Variants in SIAH3 observed in about 807,000 individuals in gnomAD.
SIAH3 encodes the protein seven in absentia homolog 3.
Under a neutral mutation model 12.6 loss-of-function variants are expected in SIAH3, and 9 were observed. That is an observed-to-expected ratio of 0.72 (90% CI 0.43 to 1.25). The LOEUF is 1.25. Ranked by LOEUF, SIAH3 falls within the 50% of genes most tolerant of loss-of-function variation. The probability of loss-of-function intolerance (pLI) is 0.00; values close to 1 mark genes in which losing one functional copy is unlikely to be tolerated. For synonymous variants in SIAH3, 154 were observed against 151.1 expected (o/e 1.02, Z -0.14); for missense variants, 390 against 365.4 (o/e 1.07, Z -0.55).
rs1950498741 is a variant in SIAH3 at position 45,780,220 on chromosome 13, T to A, written c.*3163A>T. On this transcript the variant is annotated 3_prime_UTR_variant, in exon 2 of 2. Coordinates refer to ENST00000400405, the MANE Select transcript of SIAH3 (RefSeq NM_198849.3). ...AGGGCCTGGCGCACTGAAGCCTCCA[T>A]CTGCAGCCCACCCACTTCCTGGGCC... The A allele has an allele frequency of 6.6e-6, 1 of 151,548 alleles. No homozygotes were observed. The highest frequency in any genetic ancestry group is 1.5e-5 in the Non-Finnish European group (1 of 68,112). 9.4% of individuals were successfully genotyped at this position (151,548 alleles called of 1,614,324 possible).
intron 1 of SIAH3, among the ~76,000 whole-genome samples, chr13:45,821,313 C>T (rs2137570483): frequency 6.6e-6 from 1 of 152,368 alleles, no homozygotes; most frequent in East Asian, 1.9e-4. Context: ...AATTATCCCT[C>T]ACAGCCTAGA....
At chr13:45,815,766 A>G (rs1480869396) in intron 1 of SIAH3, among the ~76,000 whole-genome samples, 1 of 152,152 alleles carries the variant, frequency 6.6e-6, no homozygotes, top group Non-Finnish European at 1.5e-5. Flanking sequence ...AACAAAACAA[A>G]TTTCATTCCT....
At chr13:45,827,262 A>G (rs1950682018) in intron 1 of SIAH3, among the ~76,000 whole-genome samples, 2 of 152,302 alleles carry the variant, frequency 1.3e-5, no homozygotes, top group Admixed American at 6.5e-5. Context: ...TGTCTTGAAT[A>G]CAGTCAAGAT....
intron 1 of SIAH3, among the ~76,000 whole-genome samples, chr13:45,838,447 TTGA>T (rs1302359521): frequency 6.6e-6 from 1 of 152,170 alleles, no homozygotes; most frequent in Non-Finnish European, 1.5e-5. Flanking sequence ...AGGCAGCTTC[TTGA>T]TGTGCTCATC....
At chr13:45,829,914 C>G (rs113964825) in intron 1 of SIAH3, among the ~76,000 whole-genome samples, 1 of 152,168 alleles carries the variant, frequency 6.6e-6, no homozygotes, top group Non-Finnish European at 1.5e-5. Context: ...CGGGGTGCAG[C>G]TTTCCTGTCT....
intron 1 of SIAH3, among the ~76,000 whole-genome samples, chr13:45,840,419 A>C (rs1164402130): frequency 6.6e-6 from 1 of 152,266 alleles, no homozygotes; most frequent in African/African-American, 2.4e-5. Flanking sequence ...CAGGTAAATC[A>C]CTTAGCACAG....
chr13:45,847,646 T>TGTGTGTGC (rs1474295664), intron 1 of SIAH3, among the ~76,000 whole-genome samples: 1 of 151,938 alleles, frequency 6.6e-6, no homozygotes, highest in African/African-American at 2.4e-5. Flanking sequence ...TGTGTGTGTG[T>TGTGTGTGC]GTGCACGTGT....
chr13:45,811,476 T>G (rs1950616328), intron 1 of SIAH3, among the ~76,000 whole-genome samples: 1 of 152,208 alleles, frequency 6.6e-6, no homozygotes, highest in South Asian at 2.1e-4. Context: ...AGAGTACTTT[T>G]TTTTGAGACA....
intron 1 of SIAH3, among the ~76,000 whole-genome samples, chr13:45,828,751 T>C (rs1327962027): frequency 1.3e-5 from 2 of 152,206 alleles, no homozygotes; most frequent in Non-Finnish European, 2.9e-5. Context: ...TTCAACAGTG[T>C]GCTCTGGTTT....
At chr13:45,816,299 T>C (rs1010697886) in intron 1 of SIAH3, among the ~76,000 whole-genome samples, 3 of 152,218 alleles carry the variant, frequency 2.0e-5, no homozygotes, top group Non-Finnish European at 2.9e-5. Flanking sequence ...AATGGTACCC[T>C]TGAGGCCCTG....
chr13:45,836,203 G>C, intron 1 of SIAH3, among the ~76,000 whole-genome samples: 1 of 152,202 alleles, frequency 6.6e-6, no homozygotes, highest in Non-Finnish European at 1.5e-5. Flanking sequence ...AGAAGGCAGG[G>C]ACTAGGACTT....
At chr13:45,839,906 G>T (rs1305062882) in intron 1 of SIAH3, among the ~76,000 whole-genome samples, 5 of 152,152 alleles carry the variant, frequency 3.3e-5, no homozygotes, top group African/African-American at 1.2e-4. Flanking sequence ...CTTTGTAGAA[G>T]CTTCCAGACA....
chr13:45,796,292 T>A (rs1950562430), intron 1 of SIAH3, among the ~76,000 whole-genome samples: 1 of 152,136 alleles, frequency 6.6e-6, no homozygotes, highest in South Asian at 2.1e-4. Context: ...CGGATGTATG[T>A]GGCCATTGTC....
intron 1 of SIAH3, among the ~76,000 whole-genome samples, chr13:45,839,555 A>G (rs1964407): frequency 0.28 from 42,293 of 152,216 alleles, 9,897 homozygotes; most frequent in African/African-American, 0.6. Flanking sequence ...TTTTTAGGCC[A>G]GGTGCGGTGG....
chr13:45,788,611 T>C (rs1950535485), intron 1 of SIAH3, among the ~76,000 whole-genome samples: 1 of 152,204 alleles, frequency 6.6e-6, no homozygotes, highest in South Asian at 2.1e-4. Flanking sequence ...CATTCCTTAA[T>C]TTGATCAGCC....
intron 1 of SIAH3, among the ~76,000 whole-genome samples, chr13:45,823,973 A>G (rs904571381): frequency 2.0e-5 from 3 of 152,358 alleles, no homozygotes; most frequent in African/African-American, 7.2e-5. Context: ...CAGGCTTGTT[A>G]CATGGGTATA....
At chr13:45,784,170 G>C (rs1452870654) in intron 1 of SIAH3, 113 bp from the exon 2 acceptor site, 1 of 1,013,438 alleles carries the variant, frequency 9.9e-7, no homozygotes, top group African/African-American at 1.7e-5. Context: ...GGCTGAGAAA[G>C]GTTCATTTCT....
chr13:45,824,017 C>T (rs1950665037), intron 1 of SIAH3, among the ~76,000 whole-genome samples: 2 of 152,266 alleles, frequency 1.3e-5, no homozygotes, highest in African/African-American at 4.8e-5. Flanking sequence ...TTCTAGTAAA[C>T]CCATCACCCA....
At chr13:45,835,111 C>T (rs1169098108) in intron 1 of SIAH3, among the ~76,000 whole-genome samples, 1 of 152,176 alleles carries the variant, frequency 6.6e-6, no homozygotes, top group Non-Finnish European at 1.5e-5. Flanking sequence ...CTCCCACCAC[C>T]TCCCAAACCA....
Sources: allele counts gnomAD v4.1 joint callset (sites outside exome capture counted in the v4.1 genomes callset), GRCh38; gene constraint gnomAD v4.1.1; transcripts MANE v1.5; gene names NCBI Gene and HGNC (gene_info 2026-07-23, HGNC 2026-07-21).